Variants in QKI observed in about 807,000 individuals in gnomAD.
The protein encoded by QKI is QKI, KH domain containing RNA binding, also known as KH domain-containing RNA-binding protein QKI.
In QKI, 10 loss-of-function variants were observed where a neutral mutation model predicts 39.0. That is an observed-to-expected ratio of 0.26 (90% CI 0.16 to 0.43). The LOEUF (loss-of-function observed/expected upper bound fraction) is 0.43. Among genes scored for constraint, QKI ranks in the 20% least tolerant of loss-of-function variants. QKI has a pLI of 1.00. For synonymous variants in QKI, 204 were observed against 155.4 expected, an observed-to-expected ratio of 1.31 and a Z score of -2.33; for missense variants, 218 against 428.0, an observed-to-expected ratio of 0.51 and a Z score of 4.33.
rs1027336444 is a variant in QKI at position 163,414,776 on chromosome 6, C to T, written c.-418C>T. 4 of 147,172 alleles carry T rather than the reference C, an allele frequency of 2.7e-5. No individual in the cohort carries two copies. Among genetic ancestry groups the T allele is most frequent in the African/African-American group, 7.3e-5 (3 of 40,838 alleles). The allele number at this position is 147,172 out of a possible 1,614,324, so 9.1% of individuals were successfully genotyped here. ...CGCGGCGGGGACCAGCCCAGAGAGA[C>T]CCCCCGAGCCCGCGGCACAGGCGGC... On this transcript the variant is annotated 5_prime_UTR_variant, in exon 1 of 8. Transcript: ENST00000361752.
chr6:163,550,255 GGTAA>G (rs2128246051), intron 4 of QKI, among the ~76,000 whole-genome samples: 1 of 152,238 alleles, frequency 6.6e-6, no homozygotes, highest in East Asian at 1.9e-4. Context: ...ATGGTAAGGG[GGTAA>G]GTGAGCTAGT....
At chr6:163,487,944 A>G (rs968130830) in intron 3 of QKI, among the ~76,000 whole-genome samples, 10 of 151,852 alleles carry the variant, frequency 6.6e-5, no homozygotes, top group Non-Finnish European at 7.4e-5. Context: ...AGCTAGATAC[A>G]GTTTTTATCA....
intron 3 of QKI, among the ~76,000 whole-genome samples, chr6:163,501,232 A>C (rs1583108088): frequency 6.6e-6 from 1 of 152,070 alleles, no homozygotes; most frequent in East Asian, 1.9e-4. Flanking sequence ...TGGACTGCTC[A>C]CTAGGTGGCC....
chr6:163,416,162 G>T (rs888479652), intron 1 of QKI, among the ~76,000 whole-genome samples: 1 of 151,920 alleles, frequency 6.6e-6, no homozygotes, highest in Admixed American at 6.6e-5. Flanking sequence ...AGCCGCCTGA[G>T]TTTGTAGGAC....
At chr6:163,429,049 A>G (rs978142739) in intron 1 of QKI, 7 of 152,202 alleles carry the variant, frequency 4.6e-5, no homozygotes, top group African/African-American at 1.7e-4. Flanking sequence ...TGGAAGAAGC[A>G]GTGGTGAGGG....
intron 2 of QKI, among the ~76,000 whole-genome samples, chr6:163,476,786 T>G (rs1792638289): frequency 6.6e-6 from 1 of 152,186 alleles, no homozygotes; most frequent in Non-Finnish European, 1.5e-5. Flanking sequence ...ATTCCAAGCT[T>G]AATTAAGAGT....
intron 2 of QKI, among the ~76,000 whole-genome samples, chr6:163,475,917 G>C (rs369522847): frequency 1.1e-4 from 16 of 152,128 alleles, no homozygotes; most frequent in African/African-American, 3.9e-4. Flanking sequence ...GTCATCATAA[G>C]ACACCATTAA....
intron 1 of QKI, among the ~76,000 whole-genome samples, chr6:163,429,556 A>G (rs1462390098): frequency 6.6e-6 from 1 of 152,200 alleles, no homozygotes; most frequent in Admixed American, 6.5e-5. Context: ...GTGTAATGAT[A>G]GCATTAAGTG....
chr6:163,543,560 G>T (rs552949454), intron 4 of QKI, among the ~76,000 whole-genome samples: 1 of 152,164 alleles, frequency 6.6e-6, no homozygotes, highest in South Asian at 2.1e-4. Context: ...CAACCTAAAT[G>T]AGTTGCCATG....
At chr6:163,459,334 A>T (rs140753672) in intron 2 of QKI, among the ~76,000 whole-genome samples, 1 of 152,270 alleles carries the variant, frequency 6.6e-6, no homozygotes, top group African/African-American at 2.4e-5. Context: ...TACTAGAGAT[A>T]CTTTTGGTGT....
chr6:163,445,672 G>T (rs912618994), intron 1 of QKI, among the ~76,000 whole-genome samples: 8 of 151,104 alleles, frequency 5.3e-5, no homozygotes, highest in Non-Finnish European at 1.0e-4. Context: ...TGGAGTGCAG[G>T]GGCACCATCT....
chr6:163,435,986 C>G (rs887030880), intron 1 of QKI, among the ~76,000 whole-genome samples: 1 of 152,084 alleles, frequency 6.6e-6, no homozygotes, highest in Admixed American at 6.6e-5. Flanking sequence ...AATAACCAAA[C>G]CCTTGATTCA....
At chr6:163,444,843 C>T (rs180819271) in intron 1 of QKI, among the ~76,000 whole-genome samples, 1 of 152,036 alleles carries the variant, frequency 6.6e-6, no homozygotes, top group Non-Finnish European at 1.5e-5. Flanking sequence ...CATACTTTGT[C>T]ACATTATTTC....
chr6:163,479,309 C>T (rs371236920), intron 3 of QKI, among the ~76,000 whole-genome samples: 103 of 152,284 alleles, frequency 6.8e-4, no homozygotes, highest in African/African-American at 2.2e-3. Flanking sequence ...CCACTATGTT[C>T]CATGTCAGGA....
chr6:163,568,676 A>G, intron 7 of QKI: 2 of 982,380 alleles, frequency 2.0e-6, no homozygotes, highest in Non-Finnish European at 2.4e-6. Context: ...TAGTATAAGC[A>G]TTCATTTAAT....
rs1490048339 is a variant in QKI, at chr6:163,577,073, G to T, written c.*6363G>T. ...AAAGGACTAGTGTCATTAACCTGTT[G>T]AACAGAATTGGTTTATTAAAAAAAT... On this transcript the variant is annotated 3_prime_UTR_variant, in exon 8 of 8. Coordinates refer to ENST00000361752, the MANE Select transcript of QKI (RefSeq NM_006775.3). 1 of 152,140 alleles carries T rather than the reference G, an allele frequency of 6.6e-6. No individual in the cohort carries two copies. The highest frequency in any genetic ancestry group is 2.4e-5 in the African/African-American group (1 of 41,440). 9.4% of individuals were successfully genotyped at this position (152,140 alleles called of 1,614,324 possible).
At chr6:163,489,986 T>G (rs1777952062) in intron 3 of QKI, among the ~76,000 whole-genome samples, 1 of 152,182 alleles carries the variant, frequency 6.6e-6, no homozygotes, top group Non-Finnish European at 1.5e-5. Context: ...CCTCCCTTAT[T>G]GGTACCATTT....
chr6:163,535,401 G>C (rs946122873), intron 4 of QKI, among the ~76,000 whole-genome samples: 3 of 151,912 alleles, frequency 2.0e-5, no homozygotes. Context: ...TTCCTTCCCG[G>C]TTTCTCTTTC....
chr6:163,531,979 A>G (rs1420690573), intron 3 of QKI, among the ~76,000 whole-genome samples: 1 of 152,204 alleles, frequency 6.6e-6, no homozygotes, highest in East Asian at 1.9e-4. Context: ...GCTTTCTCCT[A>G]TTTTTATATT....
Sources: allele counts gnomAD v4.1 joint callset (sites outside exome capture counted in the v4.1 genomes callset), GRCh38; gene constraint gnomAD v4.1.1; transcripts MANE v1.5; gene names NCBI Gene and HGNC (gene_info 2026-07-23, HGNC 2026-07-21).